Variants in NKAIN2 observed in about 807,000 individuals in gnomAD.
NKAIN2 encodes the protein sodium/potassium transporting ATPase interacting 2.
In NKAIN2, 14 loss-of-function variants were observed where a neutral mutation model predicts 32.6. That is an observed-to-expected ratio of 0.43 (90% confidence interval 0.28 to 0.67). The LOEUF (loss-of-function observed/expected upper bound fraction) is 0.67. NKAIN2 is among the 30% of genes least tolerant of loss of function. The probability of loss-of-function intolerance (pLI) is 0.17; values close to 1 mark genes in which losing one functional copy is unlikely to be tolerated. For missense variants in NKAIN2, 198 were observed against 258.3 expected (o/e 0.77, Z 1.60); for synonymous variants, 80 against 87.2 (o/e 0.92, Z 0.46).
chr6:124,664,167 C>T (rs1232245604), intron 4 of NKAIN2, among the ~76,000 whole-genome samples: 4 of 151,398 alleles, frequency 2.6e-5, no homozygotes, highest in South Asian at 2.1e-4. Flanking sequence ...CCCAGCTACT[C>T]GGGAGGCTGA....
At chr6:124,486,522 A>C (rs1031067618) in intron 3 of NKAIN2, among the ~76,000 whole-genome samples, 9 of 152,118 alleles carry the variant, frequency 5.9e-5, no homozygotes, top group African/African-American at 2.2e-4. Flanking sequence ...TTTTATTCTA[A>C]AATAACTTTT....
Position 124,508,455 on chromosome 6 carries a change from C to CTAGTA in NKAIN2, c.274-149730_274-149729insAGTAT. 1.3e-5 allele frequency among the ~76,000 whole-genome samples: 2 copies of CTAGTA among 152,052 alleles called. 1 individual carries two copies. Among genetic ancestry groups the CTAGTA allele is most frequent in the Middle Eastern group, 6.8e-3 (2 of 294 alleles). On this transcript the variant is annotated intron_variant, in intron 3 of 6. Transcript: ENST00000368417. ...CGCCTCCCGGGTTCACGCCATTCTC[C>CTAGTA]TGCCTCAGCCTCCCTAGTAGCTGGG...
At chr6:124,052,595 A>G (rs1463937015) in intron 1 of NKAIN2, among the ~76,000 whole-genome samples, 1 of 152,094 alleles carries the variant, frequency 6.6e-6, no homozygotes, top group African/African-American at 2.4e-5. Context: ...TGAGTAAAAC[A>G]CTTTTGTCCA....
chr6:123,804,397 G>T, intron 1 of NKAIN2, 143 bp downstream of exon 1: 1 of 741,374 alleles, frequency 1.3e-6, no homozygotes. Context: ...TATTGAAGAT[G>T]ATTTCAGGGA....
chr6:124,792,044 G>A (rs1417440641), intron 5 of NKAIN2, among the ~76,000 whole-genome samples: 2 of 152,036 alleles, frequency 1.3e-5, no homozygotes, highest in Admixed American at 1.3e-4. Flanking sequence ...TCCGAAACAT[G>A]GAGGGTAGAA....
At chr6:124,117,772 C>T (rs2114982622) in intron 1 of NKAIN2, among the ~76,000 whole-genome samples, 1 of 151,484 alleles carries the variant, frequency 6.6e-6, no homozygotes, top group South Asian at 2.1e-4. Context: ...AATAGCTTTT[C>T]TTATTTTGTG....
intron 1 of NKAIN2, among the ~76,000 whole-genome samples, chr6:124,261,762 A>G (rs1432362260): frequency 6.6e-6 from 1 of 151,778 alleles, no homozygotes; most frequent in Non-Finnish European, 1.5e-5. Flanking sequence ...CGGGAGGCTG[A>G]GGCAGGAGAA....
chr6:124,059,647 A>C (rs1782833303), intron 1 of NKAIN2, among the ~76,000 whole-genome samples: 1 of 151,960 alleles, frequency 6.6e-6, no homozygotes, highest in East Asian at 1.9e-4. Flanking sequence ...TATTATTGCC[A>C]CTCCTTTTGT....
At chr6:124,082,835 G>A (rs1278264269) in intron 1 of NKAIN2, among the ~76,000 whole-genome samples, 2 of 151,924 alleles carry the variant, frequency 1.3e-5, no homozygotes, top group African/African-American at 4.8e-5. Context: ...TACACACACA[G>A]AAAATCAAAC....
At chr6:124,447,467 A>G (rs902161528) in intron 3 of NKAIN2, among the ~76,000 whole-genome samples, 5 of 152,174 alleles carry the variant, frequency 3.3e-5, no homozygotes, top group African/African-American at 7.2e-5. Flanking sequence ...GTTGGCTATG[A>G]TGAAACTAGG....
At chr6:124,647,495 T>TCAAAAAA (rs1784219250) in intron 3 of NKAIN2, among the ~76,000 whole-genome samples, 1 of 14,162 alleles carries the variant, frequency 7.1e-5, no homozygotes, top group Admixed American at 1.1e-3. Context: ...CGAGACTCTG[T>TCAAAAAA]CAAAAAAAAA....
At chr6:123,816,057 A>T (rs989557831) in intron 1 of NKAIN2, among the ~76,000 whole-genome samples, 3 of 152,186 alleles carry the variant, frequency 2.0e-5, no homozygotes, top group Non-Finnish European at 4.4e-5. Context: ...GTACTAGTAT[A>T]CGATAGGGAG....
At chr6:124,267,652 A>C (rs72980460) in intron 1 of NKAIN2, among the ~76,000 whole-genome samples, 3 of 152,298 alleles carry the variant, frequency 2.0e-5, no homozygotes, top group Non-Finnish European at 4.4e-5. Context: ...GATACAATAA[A>C]CTTCTCTTTA....
intron 1 of NKAIN2, among the ~76,000 whole-genome samples, chr6:124,023,198 C>G (rs1780951986): frequency 6.6e-6 from 1 of 151,300 alleles, no homozygotes; most frequent in Non-Finnish European, 1.5e-5. Flanking sequence ...GAAAAAACAT[C>G]TGAGATTAAA....
chr6:123,858,127 T>A (rs1775632663), intron 1 of NKAIN2, among the ~76,000 whole-genome samples: 1 of 152,006 alleles, frequency 6.6e-6, no homozygotes, highest in African/African-American at 2.4e-5. Context: ...ATTATTTTTT[T>A]TTTTTTGAGA....
chr6:124,398,002 C>G (rs1310670607), intron 3 of NKAIN2, among the ~76,000 whole-genome samples: 1 of 151,676 alleles, frequency 6.6e-6, no homozygotes, highest in Non-Finnish European at 1.5e-5. Flanking sequence ...ACCTGTAATC[C>G]CAGCACTTTG....
chr6:124,565,066 A>G (rs2114903672), intron 3 of NKAIN2, among the ~76,000 whole-genome samples: 1 of 152,242 alleles, frequency 6.6e-6, no homozygotes, highest in South Asian at 2.1e-4. Flanking sequence ...AGCAAGAGCA[A>G]GAGATTTGTC....
In NKAIN2 at chr6:124,545,136, G is replaced by A. The variant is rs545845665; in HGVS notation, c.274-113050G>A. Among the ~76,000 whole-genome samples, 22 of 152,184 alleles carry A rather than the reference G, an allele frequency of 1.4e-4. 1 individual carries two copies. The South Asian group carries it at 2.9e-3, about 20-fold the overall frequency. On this transcript the variant is annotated intron_variant, in intron 3 of 6. Coordinates refer to ENST00000368417, the MANE Select transcript of NKAIN2 (RefSeq NM_001040214.3). ...CAACTGAATTGCCTCCAGAGATCTG[G>A]GATTGAATTCTATTCACTAAGGCAC...
chr6:124,287,809 G>C (rs981904647), intron 2 of NKAIN2, among the ~76,000 whole-genome samples: 6 of 152,174 alleles, frequency 3.9e-5, no homozygotes, highest in Non-Finnish European at 5.9e-5. Flanking sequence ...TTAAGGAGCT[G>C]CACTGGCGCT....
Sources: allele counts gnomAD v4.1 joint callset (sites outside exome capture counted in the v4.1 genomes callset), GRCh38; gene constraint gnomAD v4.1.1; transcripts MANE v1.5; gene names NCBI Gene and HGNC (gene_info 2026-07-23, HGNC 2026-07-21).